Variants in DCDC1 observed in about 807,000 individuals in gnomAD.
DCDC1 encodes doublecortin domain-containing protein 1.
Under a neutral mutation model 178.3 loss-of-function variants are expected in DCDC1, and 200 were observed. The ratio of observed to expected loss-of-function variants is 1.12; its 90% CI spans 1.00 to 1.26. DCDC1 has a LOEUF of 1.26. DCDC1 is among the 50% of genes most tolerant of loss of function. The pLI is 0.00. For missense variants in DCDC1, 1,983 were observed against 1,749.2 expected, an observed-to-expected ratio of 1.13 and a Z score of -2.38; for synonymous variants, 690 against 604.8, an observed-to-expected ratio of 1.14 and a Z score of -2.07.
rs773524874 is a variant in DCDC1, at chr11:30,920,815, T to A, written c.3254A>T (p.Glu1085Val). 1 of 1,613,734 alleles carries A rather than the reference T, an allele frequency of 6.2e-7. No individual in the cohort carries two copies. The highest frequency in any genetic ancestry group is 1.7e-5 in the Admixed American group (1 of 59,972). ...VTEPEEKQMQ[E>V]DPLTTENASS... The stretch of plus-strand genomic sequence containing the variant: ...AGCATTTTCCGTTGTTAGAGGATCT[T>A]CTTGCATTTGCTTTTCTTCCGGTTC... The change falls in exon 25 of 39, where the codon GAA becomes GTA. Residue 1085 changes from glutamate (E) to valine (V), a missense_variant. Glu to Val is a moderately radical substitution (Grantham distance 121). Coordinates refer to ENST00000684477, the MANE Select transcript of DCDC1 (RefSeq NM_001387274.1).
At chr11:30,993,773 T>G (rs1160368261) in intron 20 of DCDC1, among the ~76,000 whole-genome samples, 1 of 152,118 alleles carries the variant, frequency 6.6e-6, no homozygotes, top group Non-Finnish European at 1.5e-5. Flanking sequence ...ATATGTAGTT[T>G]TAATAGGTGT....
chr11:31,104,304 G>A (rs549324300), intron 13 of DCDC1, among the ~76,000 whole-genome samples: 1 of 152,042 alleles, frequency 6.6e-6, no homozygotes, highest in Non-Finnish European at 1.5e-5. Flanking sequence ...TACACTATGA[G>A]CCATTTTTCT....
chr11:31,062,264 A>G (rs2135471050), intron 20 of DCDC1, among the ~76,000 whole-genome samples: 1 of 152,284 alleles, frequency 6.6e-6, no homozygotes, highest in Non-Finnish European at 1.5e-5. Flanking sequence ...ATGGCTGAGT[A>G]GAAATGGCTG....
chr11:30,960,514 T>G (rs1342755761), intron 20 of DCDC1, among the ~76,000 whole-genome samples: 3 of 152,146 alleles, frequency 2.0e-5, no homozygotes, highest in Non-Finnish European at 4.4e-5. Flanking sequence ...ACAACACATG[T>G]GCACAACACA....
At chr11:30,958,503 T>C (rs1948898569) in intron 20 of DCDC1, among the ~76,000 whole-genome samples, 1 of 152,146 alleles carries the variant, frequency 6.6e-6, no homozygotes, top group Non-Finnish European at 1.5e-5. Context: ...CCAGAAGCAG[T>C]TGGCATCAGA....
Position 30,925,297 on chromosome 11 carries a change from C to G in DCDC1, c.2997+12G>C. ...TAAATTAATATTGCCAGTTTCAAATCCATGTCTTTACCAGTTCATCTCTTT... is the reference window on the plus strand; with the variant it reads ...TAAATTAATATTGCCAGTTTCAAATGCATGTCTTTACCAGTTCATCTCTTT... On this transcript the variant is annotated intron_variant, in intron 23 of 38. Coordinates refer to ENST00000684477, the MANE Select transcript of DCDC1 (RefSeq NM_001387274.1). 2 of 1,608,198 alleles carry G rather than the reference C, an allele frequency of 1.2e-6. No homozygotes were observed. Among genetic ancestry groups the G allele is most frequent in the South Asian group, 2.2e-5 (2 of 90,708 alleles).
intron 9 of DCDC1, among the ~76,000 whole-genome samples, chr11:31,199,001 T>C (rs950411295): frequency 1.3e-5 from 2 of 152,030 alleles, no homozygotes; most frequent in Admixed American, 1.3e-4. Context: ...TAGTTGTCAA[T>C]AAAAAACCTG....
At chr11:31,146,482 T>A (rs895564757) in intron 9 of DCDC1, among the ~76,000 whole-genome samples, 1 of 152,106 alleles carries the variant, frequency 6.6e-6, no homozygotes, top group Non-Finnish European at 1.5e-5. Flanking sequence ...GAAGAAGGGG[T>A]TGTGTGGCTT....
At chr11:30,953,862 T>G (rs1041520383) in intron 20 of DCDC1, among the ~76,000 whole-genome samples, 2 of 151,944 alleles carry the variant, frequency 1.3e-5, no homozygotes, top group African/African-American at 4.8e-5. Context: ...ATAAAAAATA[T>G]AATAGCAAAT....
intron 15 of DCDC1, among the ~76,000 whole-genome samples, chr11:31,099,488 T>A (rs1050558556): frequency 1.3e-5 from 2 of 152,184 alleles, no homozygotes; most frequent in African/African-American, 2.4e-5. Context: ...TTCTCCCCCA[T>A]CTACGCTGAT....
intron 9 of DCDC1, among the ~76,000 whole-genome samples, chr11:31,190,032 G>A (rs1969959610): frequency 1.3e-5 from 2 of 152,124 alleles, no homozygotes; most frequent in African/African-American, 2.4e-5. Context: ...ATATAGTGAC[G>A]AGTAATACAA....
chr11:30,991,725 C>T (rs1950998181), intron 20 of DCDC1, among the ~76,000 whole-genome samples: 1 of 151,940 alleles, frequency 6.6e-6, no homozygotes, highest in African/African-American at 2.4e-5. Context: ...GGCATAACAC[C>T]AAAATAAGTT....
At chr11:31,239,728 C>T (rs1226318493) in intron 9 of DCDC1, among the ~76,000 whole-genome samples, 1 of 151,748 alleles carries the variant, frequency 6.6e-6, no homozygotes, top group African/African-American at 2.4e-5. Flanking sequence ...ACTGCCCAAA[C>T]AGACAATCAC....
intron 8 of DCDC1, among the ~76,000 whole-genome samples, chr11:31,243,058 C>A (rs952261334): frequency 6.6e-6 from 1 of 151,630 alleles, no homozygotes; most frequent in Admixed American, 6.6e-5. Flanking sequence ...ATCTATCAAC[C>A]TCATTTTTAT....
chr11:31,157,386 T>TATATATATAC (rs753985064), intron 9 of DCDC1, among the ~76,000 whole-genome samples: 29 of 142,726 alleles, frequency 2.0e-4, no homozygotes, highest in Non-Finnish European at 3.3e-4. Context: ...TATATATATA[T>TATATATATAC]ACATATATAT....
chr11:31,262,704 A>G (rs1944876952), intron 8 of DCDC1: 1 of 197,962 alleles, frequency 5.1e-6, no homozygotes, highest in Non-Finnish European at 1.0e-5. Flanking sequence ...CCCAAGTTGA[A>G]GTTCAGAAAA....
chr11:30,947,296 C>T (rs1402455108), intron 21 of DCDC1, among the ~76,000 whole-genome samples: 1 of 152,096 alleles, frequency 6.6e-6, no homozygotes. Flanking sequence ...CAGAGTGAAG[C>T]ATTACCTGAC....
At chr11:31,174,369 C>T (rs1322574798) in intron 9 of DCDC1, among the ~76,000 whole-genome samples, 2 of 152,208 alleles carry the variant, frequency 1.3e-5, no homozygotes, top group Non-Finnish European at 2.9e-5. Flanking sequence ...CATGCCAGCC[C>T]CCTGCCACCT....
chr11:31,241,420 TAAAG>T, intron 9 of DCDC1, 26 bp downstream of exon 9: 1 of 396,064 alleles, frequency 2.5e-6, no homozygotes. Context: ...AAACATATAA[TAAAG>T]AAATTTTTAA....
Sources: allele counts gnomAD v4.1 joint callset (sites outside exome capture counted in the v4.1 genomes callset), GRCh38; gene constraint gnomAD v4.1.1; transcripts MANE v1.5; gene names NCBI Gene and HGNC (gene_info 2026-07-23, HGNC 2026-07-21).